Variants in ATP10B observed in about 807,000 individuals in gnomAD.
The protein encoded by ATP10B is phospholipid-transporting ATPase VB.
A neutral mutation model predicts 141.2 loss-of-function variants in ATP10B; 122 were observed. The ratio of observed to expected loss-of-function variants is 0.86; its 90% CI spans 0.75 to 1.00. The LOEUF is 1.00. Ranked by LOEUF, ATP10B falls within the 50% of genes least tolerant of loss-of-function variation. The probability of loss-of-function intolerance (pLI) is 0.00; values close to 1 mark genes in which losing one functional copy is unlikely to be tolerated. For missense variants in ATP10B, 1,876 were observed against 1,825.3 expected, an observed-to-expected ratio of 1.03 and a Z score of -0.51; for synonymous variants, 685 against 692.0, an observed-to-expected ratio of 0.99 and a Z score of 0.16.
At chr5:160,734,035 G>A (rs1211823797) in intron 2 of ATP10B, among the ~76,000 whole-genome samples, 1 of 149,998 alleles carries the variant, frequency 6.7e-6, no homozygotes, top group South Asian at 2.1e-4. Context: ...TTGAACCCGG[G>A]AGGTGGAGGT....
the ATP10B span, among the ~76,000 whole-genome samples, chr5:160,898,611 G>A: frequency 6.6e-6 from 1 of 152,298 alleles, no homozygotes; most frequent in East Asian, 1.9e-4. Context: ...TCTAGAACCA[G>A]AAATACCATT....
intron 3 of ATP10B, among the ~76,000 whole-genome samples, chr5:160,714,850 G>T: frequency 6.8e-6 from 1 of 147,728 alleles, no homozygotes; most frequent in Non-Finnish European, 1.5e-5. Flanking sequence ...ACCCTCAGCT[G>T]CAGGTCTGTT....
chr5:160,644,145 G>C lies in ATP10B; in HGVS notation c.861C>G (p.Ile287Met), dbSNP rs777539931. Residue 287 changes from isoleucine (I) to methionine (M), a missense_variant, in exon 9 of 26, where the codon ATC (isoleucine) becomes ATG (methionine). Ile to Met is a conservative substitution (Grantham distance 10). Transcript: ENST00000327245. ...AACTACCCAGACAATGACCTGCATA[G>C]ATGACAATGCCAACAGCCATCTCGG... ...RNTEMAVGIV[I>M]YAGHETKAML... The C allele has an allele frequency of 6.2e-7, 1 of 1,613,604 alleles. No individual in the cohort carries two copies. Among genetic ancestry groups the C allele is most frequent in the Non-Finnish European group, 8.5e-7 (1 of 1,179,658 alleles).
the ATP10B span, among the ~76,000 whole-genome samples, chr5:160,927,691 ACT>A: frequency 1.3e-5 from 2 of 152,234 alleles, no homozygotes; most frequent in South Asian, 2.1e-4. Context: ...ATTATTAGAG[ACT>A]CTGCCAAGCC....
chr5:160,620,264 C>T (rs1448327272), intron 15 of ATP10B, 83 bp downstream of exon 15: 2 of 1,506,518 alleles, frequency 1.3e-6, no homozygotes, highest in Non-Finnish European at 1.8e-6. Flanking sequence ...GACACTACAA[C>T]TTGAGCTTCT....
chr5:160,659,750 T>C (rs1581293709), intron 7 of ATP10B, among the ~76,000 whole-genome samples: 1 of 152,128 alleles, frequency 6.6e-6, no homozygotes, highest in Non-Finnish European at 1.5e-5. Context: ...CATCAAGTTA[T>C]CATTATTATA....
the ATP10B span, among the ~76,000 whole-genome samples, chr5:160,872,502 T>C: frequency 3.3e-5 from 5 of 152,368 alleles, no homozygotes; most frequent in East Asian, 3.9e-4. Flanking sequence ...AGAACTTTTA[T>C]AGTTTCAGGT....
chr5:160,670,821 C>G (rs904911665), intron 6 of ATP10B, among the ~76,000 whole-genome samples, 154 bp from the exon 7 acceptor site: 10 of 152,088 alleles, frequency 6.6e-5, no homozygotes, highest in Non-Finnish European at 1.5e-4. Context: ...GAATGACCAC[C>G]TCATAATCTC....
At chr5:160,778,742 A>T (rs1770515566) in intron 2 of ATP10B, among the ~76,000 whole-genome samples, 1 of 152,244 alleles carries the variant, frequency 6.6e-6, no homozygotes, top group African/African-American at 2.4e-5. Flanking sequence ...CTGAAAAGTT[A>T]TTGCTAATAG....
At position 160,620,925 on chromosome 5, in the gene ATP10B, G is replaced by T; in HGVS notation, c.1838C>A (p.Ala613Asp). Residue 613 changes from alanine (A) to aspartate (D), a missense_variant, in exon 15 of 26, where the codon GCT becomes GAT. By Grantham distance (126) the Ala-to-Asp change is moderately radical. Coordinates refer to ENST00000327245, the MANE Select transcript of ATP10B (RefSeq NM_025153.3). ...QRVTIKPSSK[A>D]LGTSLEKIQQ... ...AATCTTCTCCAGGGACGTCCCCAGA[G>T]CCTTGCTTGAGGGTTTGATGGTGAC... 1.2e-6 allele frequency: 2 copies of T among 1,613,812 alleles called. No individual in the cohort carries two copies. The highest frequency in any genetic ancestry group is 8.5e-7 in the Non-Finnish European group (1 of 1,179,836).
chr5:160,898,254 G>A, the ATP10B span, among the ~76,000 whole-genome samples: 1 of 152,064 alleles, frequency 6.6e-6, no homozygotes, highest in Non-Finnish European at 1.5e-5. Context: ...CTATCCATCT[G>A]ACAAAGGACT....
chr5:160,599,107 G>A, intron 21 of ATP10B, 137 bp from the exon 22 acceptor site: 1 of 688,208 alleles, frequency 1.5e-6, no homozygotes, highest in South Asian at 1.8e-5. Context: ...GGATGAGAGA[G>A]AATTCTAATC....
At chr5:160,682,931 CG>C (rs1167960417) in intron 6 of ATP10B, among the ~76,000 whole-genome samples, 1 of 148,136 alleles carries the variant, frequency 6.8e-6, no homozygotes, top group African/African-American at 2.5e-5. Flanking sequence ...CCCAGCTACT[CG>C]GGAGGCTGAG....
intron 7 of ATP10B, among the ~76,000 whole-genome samples, chr5:160,665,195 G>T (rs73306666): frequency 0.014 from 2,157 of 152,300 alleles, 58 homozygotes; most frequent in African/African-American, 0.049. Flanking sequence ...CTGAGGAAAG[G>T]ATTTGAAACT....
the ATP10B span, among the ~76,000 whole-genome samples, chr5:160,905,835 C>A: frequency 1.3e-5 from 2 of 152,072 alleles, no homozygotes; most frequent in East Asian, 1.9e-4. Flanking sequence ...TATTAAAAAG[C>A]ATAAGTATTT....
chr5:160,792,965 C>T (rs1374667164), intron 1 of ATP10B, among the ~76,000 whole-genome samples: 2 of 152,158 alleles, frequency 1.3e-5, no homozygotes, highest in African/African-American at 4.8e-5. Context: ...GTGGGTCAGG[C>T]TCTTGCATCC....
rs770488838 is a variant in ATP10B, at chr5:160,612,915, C to T, written c.2664G>A (p.Gly888=). The T allele has an allele frequency of 9.9e-6, 16 of 1,612,834 alleles. No individual in the cohort carries two copies. The highest frequency in any genetic ancestry group is 1.4e-5 in the Non-Finnish European group (16 of 1,179,544). ...ENQLTLLGAT[G]IEDRLQEGVP... ...CTCCTTCCTGCAGCCGGTCTTCGAT[C>T]CCAGTGGCTCCTGGAGTGATGAAAA... Residue 888 remains glycine, a synonymous_variant, in exon 18 of 26, where the codon GGG becomes GGA. Transcript: ENST00000327245.
chr5:160,755,835 AAAAATATATATAT>A (rs1161742200), intron 2 of ATP10B, among the ~76,000 whole-genome samples: 191 of 78,624 alleles, frequency 2.4e-3, no homozygotes, highest in East Asian at 7.6e-3. Context: ...AAAAAAAAAA[AAAAATATATATAT>A]ATATATATAT....
chr5:160,926,624 A>G, the ATP10B span, among the ~76,000 whole-genome samples: 3 of 152,220 alleles, frequency 2.0e-5, no homozygotes, highest in East Asian at 5.8e-4. Flanking sequence ...ACGTAAGTGC[A>G]ATAAGGGACC....
Sources: gnomAD v4.1 joint callset for allele counts (sites outside exome capture counted in the v4.1 genomes callset) on GRCh38, gnomAD v4.1.1 for gene constraint, MANE v1.5 for transcripts, NCBI Gene and HGNC (gene_info 2026-07-23, HGNC 2026-07-21) for gene names.